ANO4: variants seen among roughly 807,000 people sequenced by gnomAD.
The protein encoded by ANO4 is anoctamin 4.
In ANO4, 69 loss-of-function variants were observed where a neutral mutation model predicts 141.9. That is an observed-to-expected ratio of 0.49 (90% CI 0.40 to 0.59). The LOEUF (loss-of-function observed/expected upper bound fraction) is 0.59, where lower values mean the gene tolerates loss of function less well. Among genes scored for constraint, ANO4 ranks in the 20% least tolerant of loss-of-function variants. ANO4 has a pLI of 0.00. For missense variants in ANO4, 894 were observed against 1,162.2 expected (o/e 0.77, Z 3.36); for synonymous variants, 350 against 394.3 (o/e 0.89, Z 1.33).
Position 101,025,821 on chromosome 12 carries a change from A to G in ANO4, c.841+5681A>G, listed in dbSNP as rs141392179. On this transcript the variant is annotated intron_variant, in intron 9 of 27. Transcript: ENST00000392977. ...TCACCATAGTAGCAAACTAAAAAAG[A>G]AAAACCATATGTTCATATTTATGAA... Among the ~76,000 whole-genome samples the G allele has an allele frequency of 1.1e-3, 173 of 152,374 alleles. 1 individual carries two copies. Among genetic ancestry groups the G allele is most frequent in the African/African-American group, 4.0e-3 (166 of 41,594 alleles).
At chr12:100,986,485 A>T (rs1253079329) in intron 7 of ANO4, among the ~76,000 whole-genome samples, 1 of 152,194 alleles carries the variant, frequency 6.6e-6, no homozygotes, top group Non-Finnish European at 1.5e-5. Flanking sequence ...CTCTTCAGGA[A>T]ACAACCCCAC....
chr12:100,943,550 T>C (rs2042598252), intron 5 of ANO4, among the ~76,000 whole-genome samples: 1 of 152,212 alleles, frequency 6.6e-6, no homozygotes, highest in Admixed American at 6.5e-5. Flanking sequence ...AGCTCTTGAA[T>C]GTTTATAACA....
In ANO4 at chr12:101,086,662, C is replaced by A. The variant is rs776940513; in HGVS notation, c.1539C>A (p.Ile513=). ...IVSASGIFFM[I]CVVIAAVFGI... is the part of the protein sequence containing the mutation. ...CGGGTGTCTTGTCTTCCTGCCAGAT[C>A]TGCGTGGTGATTGCTGCCGTGTTCG... The change falls in exon 17 of 28, where the codon ATC becomes ATA. Residue 513 remains isoleucine (I), a splice_region_variant and synonymous_variant. Coordinates refer to ENST00000392977, the MANE Select transcript of ANO4 (RefSeq NM_001286615.2). 1 of 1,613,462 alleles carries A rather than the reference C, an allele frequency of 6.2e-7. No individual in the cohort carries two copies. Among genetic ancestry groups the A allele is most frequent in the Admixed American group, 1.7e-5 (1 of 60,012 alleles).
upstream of ANO4, among the ~76,000 whole-genome samples, chr12:100,790,828 T>TG (rs2034022859): frequency 6.6e-6 from 1 of 152,204 alleles, no homozygotes; most frequent in South Asian, 2.1e-4. Context: ...GAATGGTTGT[T>TG]GCTATTTGCA....
intron 1 of ANO4, among the ~76,000 whole-genome samples, chr12:100,808,018 G>A (rs1287692467): frequency 1.3e-5 from 2 of 152,154 alleles, no homozygotes; most frequent in Admixed American, 6.5e-5. Flanking sequence ...TAGTGATGCA[G>A]TGAACATTCA....
intron 3 of ANO4, among the ~76,000 whole-genome samples, chr12:100,782,306 C>T (rs957434191): frequency 4.6e-5 from 7 of 152,102 alleles, no homozygotes; most frequent in African/African-American, 1.4e-4. Flanking sequence ...TGAATGTGGC[C>T]CATAGAAAGA....
intron 24 of ANO4, among the ~76,000 whole-genome samples, chr12:101,114,025 A>G (rs1438183525): frequency 6.6e-6 from 1 of 152,170 alleles, no homozygotes; most frequent in Non-Finnish European, 1.5e-5. Flanking sequence ...GGTACTTCTC[A>G]ATTCTCCCTG....
At chr12:100,718,237 C>T (rs568338327) in intron 1 of ANO4, among the ~76,000 whole-genome samples, 1 of 152,304 alleles carries the variant, frequency 6.6e-6, no homozygotes, top group East Asian at 1.9e-4. Flanking sequence ...AGCTAGAAAT[C>T]CTAGCGCGCT....
chr12:100,877,392 A>T (rs2039365864), intron 1 of ANO4, among the ~76,000 whole-genome samples: 1 of 151,268 alleles, frequency 6.6e-6, no homozygotes, highest in South Asian at 2.1e-4. Context: ...ATTTTATAGC[A>T]TAAATATATA....
At chr12:100,880,808 G>C (rs1338251354) in intron 1 of ANO4, among the ~76,000 whole-genome samples, 1 of 152,138 alleles carries the variant, frequency 6.6e-6, no homozygotes, top group Non-Finnish European at 1.5e-5. Flanking sequence ...AGGTCTTTGC[G>C]CTATGAGAGT....
At chr12:100,956,127 A>C (rs1374963555) in intron 5 of ANO4, among the ~76,000 whole-genome samples, 1 of 152,232 alleles carries the variant, frequency 6.6e-6, no homozygotes, top group Non-Finnish European at 1.5e-5. Context: ...AAAATGTTGC[A>C]ACCAAATATC....
intron 7 of ANO4, among the ~76,000 whole-genome samples, chr12:100,979,379 G>T (rs1413682965): frequency 1.3e-5 from 2 of 152,128 alleles, no homozygotes; most frequent in Non-Finnish European, 2.9e-5. Flanking sequence ...CTGAGGTGGG[G>T]CTCGATAATT....
intron 5 of ANO4, 92 bp downstream of exon 5, chr12:100,942,627 C>A: frequency 1.5e-6 from 2 of 1,320,436 alleles, no homozygotes; most frequent in Non-Finnish European, 2.0e-6. Flanking sequence ...TAATGTTAAC[C>A]AAACATTTCA....
intron 1 of ANO4, among the ~76,000 whole-genome samples, chr12:100,839,707 A>G (rs2037136467): frequency 6.6e-6 from 1 of 151,790 alleles, no homozygotes; most frequent in Admixed American, 6.6e-5. Context: ...TTTTTCCTTT[A>G]GACAGAACCT....
intron 3 of ANO4, among the ~76,000 whole-genome samples, chr12:100,785,895 T>C (rs939029336): frequency 6.6e-6 from 1 of 152,208 alleles, no homozygotes; most frequent in African/African-American, 2.4e-5. Context: ...AAGGACTTCT[T>C]AAAAATTTAT....
At chr12:101,030,145 A>G (rs1380224547) in intron 9 of ANO4, among the ~76,000 whole-genome samples, 1 of 152,128 alleles carries the variant, frequency 6.6e-6, no homozygotes, top group East Asian at 1.9e-4. Flanking sequence ...AGACATCTAC[A>G]GAACTCTCCA....
chr12:101,054,502 T>C (rs936498874), intron 14 of ANO4, among the ~76,000 whole-genome samples: 5 of 152,180 alleles, frequency 3.3e-5, no homozygotes, highest in South Asian at 2.1e-4. Context: ...ATAAGAGAAC[T>C]TTTTTTCTTT....
chr12:101,107,407 A>T (rs1400839376), intron 22 of ANO4, among the ~76,000 whole-genome samples: 4 of 152,212 alleles, frequency 2.6e-5, no homozygotes, highest in Non-Finnish European at 4.4e-5. Flanking sequence ...AAATCAAGAC[A>T]AAGTAAGTTT....
intron 1 of ANO4, among the ~76,000 whole-genome samples, chr12:100,893,312 A>G (rs552394707): frequency 6.6e-6 from 1 of 151,408 alleles, no homozygotes; most frequent in African/African-American, 2.4e-5. Flanking sequence ...TTTTCACCTT[A>G]TGGAGACCAT....
Sources: gnomAD v4.1 joint callset for allele counts (sites outside exome capture counted in the v4.1 genomes callset) on GRCh38, gnomAD v4.1.1 for gene constraint, MANE v1.5 for transcripts, NCBI Gene and HGNC (gene_info 2026-07-23, HGNC 2026-07-21) for gene names.